The following EEPD1 variants were observed in gnomAD, a reference collection of about 807,000 sequenced individuals.
EEPD1 encodes the protein endonuclease/exonuclease/phosphatase family domain-containing protein 1.
A neutral mutation model predicts 46.3 loss-of-function variants in EEPD1; 17 were observed. The observed-to-expected ratio is 0.37, with a 90% confidence interval of 0.25 to 0.55. The LOEUF is 0.55. Ranked by LOEUF, EEPD1 falls within the 20% of genes least tolerant of loss-of-function variation. EEPD1 has a pLI of 0.83. For missense variants in EEPD1, 673 were observed against 745.6 expected (o/e 0.90, Z 1.13); for synonymous variants, 313 against 315.6 (o/e 0.99, Z 0.09).
At chr7:36,261,128 GAATGGGTGGGTGGATGGACA>G (rs1268854719) in intron 3 of EEPD1, among the ~76,000 whole-genome samples, 4 of 152,142 alleles carry the variant, frequency 2.6e-5, no homozygotes, top group Admixed American at 6.5e-5. Flanking sequence ...GTGCATGGAC[GAATGGGTGGGTGGATGGACA>G]AATGGGTGGG....
chr7:36,191,286 T>G (rs1785456787), intron 2 of EEPD1, among the ~76,000 whole-genome samples: 1 of 152,188 alleles, frequency 6.6e-6, no homozygotes. Context: ...GCCTGGTCAT[T>G]CCTAGGTCAG....
chr7:36,260,163 T>G (rs1452566049), intron 3 of EEPD1, among the ~76,000 whole-genome samples: 2 of 152,266 alleles, frequency 1.3e-5, no homozygotes, highest in Non-Finnish European at 2.9e-5. Context: ...CTGTTCATTT[T>G]GTCATAGGGA....
At chr7:36,279,131 G>T (rs1787223948) in intron 3 of EEPD1, among the ~76,000 whole-genome samples, 3 of 134,548 alleles carry the variant, frequency 2.2e-5, no homozygotes, top group African/African-American at 8.4e-5. Context: ...CCCCTGCTTT[G>T]TTTGTCATGC....
chr7:36,212,052 CATAA>C (rs1270596543), intron 2 of EEPD1, among the ~76,000 whole-genome samples: 3 of 151,946 alleles, frequency 2.0e-5, no homozygotes, highest in African/African-American at 7.3e-5. Context: ...AAATTACTTA[CATAA>C]ATCTAAAGGG....
intron 3 of EEPD1, among the ~76,000 whole-genome samples, chr7:36,251,545 G>A (rs1339026080): frequency 2.6e-5 from 4 of 152,154 alleles, no homozygotes; most frequent in Non-Finnish European, 5.9e-5. Context: ...CCCAACCTCA[G>A]GTGATCCACC....
intron 3 of EEPD1, among the ~76,000 whole-genome samples, chr7:36,249,182 C>T (rs2115806025): frequency 6.6e-6 from 1 of 152,220 alleles, no homozygotes; most frequent in South Asian, 2.1e-4. Flanking sequence ...TCTTTCGTTC[C>T]CTCAGCTATC....
chr7:36,236,960 T>A (rs1786458801), intron 2 of EEPD1, among the ~76,000 whole-genome samples: 1 of 152,226 alleles, frequency 6.6e-6, no homozygotes. Context: ...CTGTGGAAGC[T>A]TCGTTCTTTT....
At chr7:36,216,801 G>A (rs1786036135) in intron 2 of EEPD1, among the ~76,000 whole-genome samples, 1 of 152,154 alleles carries the variant, frequency 6.6e-6, no homozygotes, top group African/African-American at 2.4e-5. Flanking sequence ...ACATTACTTG[G>A]TGGCAACTTA....
chr7:36,268,658 G>C (rs1055242343), intron 3 of EEPD1, among the ~76,000 whole-genome samples: 1 of 152,136 alleles, frequency 6.6e-6, no homozygotes, highest in East Asian at 1.9e-4. Context: ...CAGAAATTGT[G>C]CTGCCAGGTG....
At chr7:36,229,940 G>A (rs1282606765) in intron 2 of EEPD1, among the ~76,000 whole-genome samples, 1 of 150,386 alleles carries the variant, frequency 6.6e-6, no homozygotes, top group African/African-American at 2.4e-5. Flanking sequence ...CAAATCTATA[G>A]CCCAGGACTT....
chr7:36,273,100 C>G (rs1472343570), intron 3 of EEPD1, among the ~76,000 whole-genome samples: 1 of 151,238 alleles, frequency 6.6e-6, no homozygotes, highest in Non-Finnish European at 1.5e-5. Context: ...CCAGGGAACT[C>G]ACAAGTTGGA....
chr7:36,296,886 A>G (rs1787534073), intron 6 of EEPD1, 107 bp from the exon 7 acceptor site: 1 of 1,133,462 alleles, frequency 8.8e-7, no homozygotes, highest in Non-Finnish European at 1.3e-6. Flanking sequence ...TACTAACCCC[A>G]TGGGAGTCAA....
At chr7:36,161,960 A>G (rs1170041525) in intron 2 of EEPD1, among the ~76,000 whole-genome samples, 2 of 152,256 alleles carry the variant, frequency 1.3e-5, no homozygotes, top group Admixed American at 1.3e-4. Flanking sequence ...TTCCCTAATA[A>G]CAATCAGTGT....
At chr7:36,203,014 A>G (rs1785742155) in intron 2 of EEPD1, among the ~76,000 whole-genome samples, 1 of 152,188 alleles carries the variant, frequency 6.6e-6, no homozygotes, top group African/African-American at 2.4e-5. Context: ...CCCTGGATTA[A>G]TCAGGTGAGG....
intron 3 of EEPD1, among the ~76,000 whole-genome samples, chr7:36,266,322 CA>C (rs1373083713): frequency 6.6e-6 from 1 of 152,166 alleles, no homozygotes; most frequent in Non-Finnish European, 1.5e-5. Context: ...CTGGGCTGTG[CA>C]TTCCTCTCCT....
rs115320525 is a variant in EEPD1, at chr7:36,158,236, C to T, written c.878+3034C>T. Among the ~76,000 whole-genome samples, 123 of 152,304 alleles carry T rather than the reference C, an allele frequency of 8.1e-4. 1 individual carries two copies. The highest frequency in any genetic ancestry group is 2.8e-3 in the African/African-American group (118 of 41,552). ...GCGACCCAGACCTTCTCACTTTAGA[C>T]CTATGCCCTTTGCAAGCATGCTGTG... On this transcript the variant is annotated intron_variant, in intron 2 of 7. Coordinates refer to ENST00000242108, the MANE Select transcript of EEPD1 (RefSeq NM_030636.3).
intron 3 of EEPD1, among the ~76,000 whole-genome samples, chr7:36,255,222 T>C (rs1308283549): frequency 1.3e-5 from 2 of 152,238 alleles, no homozygotes; most frequent in East Asian, 3.8e-4. Flanking sequence ...CATGCCTATG[T>C]CCTGAATGGT....
At chr7:36,277,981 A>AAGAAAAATG (rs1395185783) in intron 3 of EEPD1, among the ~76,000 whole-genome samples, 1 of 152,212 alleles carries the variant, frequency 6.6e-6, no homozygotes, top group Non-Finnish European at 1.5e-5. Flanking sequence ...ATAGAAAGCA[A>AAGAAAAATG]AGAAAAATGA....
At position 36,214,208 on chromosome 7, in the gene EEPD1, C is replaced by T. The variant is rs569206232; in HGVS notation, c.879-24777C>T. On this transcript the variant is annotated intron_variant, in intron 2 of 7. Coordinates refer to ENST00000242108, the MANE Select transcript of EEPD1 (RefSeq NM_030636.3). The stretch of plus-strand genomic sequence containing the variant: ...TGGGTTCACTGGTCTTGGGAAAAGC[C>T]GTAGAAGCTCTTCAGAGTGGGCAGG... Among the ~76,000 whole-genome samples the T allele has an allele frequency of 9.2e-5, 14 of 152,180 alleles. No homozygotes were observed. The South Asian group carries it at 1.9e-3, about 20-fold the overall frequency.
Sources: gnomAD v4.1 joint callset for allele counts (sites outside exome capture counted in the v4.1 genomes callset) on GRCh38, gnomAD v4.1.1 for gene constraint, MANE v1.5 for transcripts, NCBI Gene and HGNC (gene_info 2026-07-23, HGNC 2026-07-21) for gene names.